The following NETO1 variants were observed in gnomAD, a reference collection of about 807,000 sequenced individuals.
The protein encoded by NETO1 is neuropilin and tolloid-like protein 1.
Under a neutral mutation model 61.3 loss-of-function variants are expected in NETO1, and 26 were observed. The observed-to-expected ratio is 0.42, with a 90% CI of 0.31 to 0.59. NETO1 has a LOEUF of 0.59. NETO1 is among the 20% of genes least tolerant of loss of function. NETO1 has a pLI of 0.12. For missense variants in NETO1, 531 were observed against 662.8 expected, an observed-to-expected ratio of 0.80 and a Z score of 2.18; for synonymous variants, 225 against 225.8, an observed-to-expected ratio of 1.00 and a Z score of 0.03.
At chr18:72,748,341 G>A (rs1599074508) in intron 10 of NETO1, 177 bp from the exon 11 acceptor site, 2 of 972,998 alleles carry the variant, frequency 2.1e-6, no homozygotes, top group East Asian at 2.3e-4. Context: ...AGACAAATTA[G>A]GCTAATATAG....
intron 4 of NETO1, among the ~76,000 whole-genome samples, chr18:72,856,467 T>C (rs1159130245): frequency 6.6e-6 from 1 of 152,166 alleles, no homozygotes; most frequent in African/African-American, 2.4e-5. Context: ...ATAAAACTAA[T>C]AAAAACAACA....
intron 6 of NETO1, among the ~76,000 whole-genome samples, chr18:72,785,645 C>T (rs1390312583): frequency 6.6e-6 from 1 of 152,130 alleles, no homozygotes. Flanking sequence ...CCCATTAACT[C>T]GTCATTTAAC....
At chr18:72,836,526 T>C (rs1165684121) in intron 4 of NETO1, among the ~76,000 whole-genome samples, 1 of 152,168 alleles carries the variant, frequency 6.6e-6, no homozygotes, top group Non-Finnish European at 1.5e-5. Context: ...AGTAGAAGCT[T>C]ACATAGAACA....
At chr18:72,749,965 G>A in intron 9 of NETO1, 97 bp downstream of exon 9, 1 of 967,432 alleles carries the variant, frequency 1.0e-6, no homozygotes, top group Non-Finnish European at 1.5e-6. Flanking sequence ...ATTAATTAAA[G>A]GGAAACTGAA....
At chr18:72,835,828 T>G (rs2073727750) in intron 4 of NETO1, among the ~76,000 whole-genome samples, 1 of 152,192 alleles carries the variant, frequency 6.6e-6, no homozygotes, top group Non-Finnish European at 1.5e-5. Context: ...ATAACTAATG[T>G]TTGGAAAACA....
At chr18:72,852,942 C>G (rs1376862680) in intron 4 of NETO1, among the ~76,000 whole-genome samples, 1 of 149,998 alleles carries the variant, frequency 6.7e-6, no homozygotes, top group Non-Finnish European at 1.5e-5. Flanking sequence ...AAGCAATTCT[C>G]TCGCCTCAGT....
chr18:72,791,139 C>T (rs1179492544), intron 6 of NETO1, among the ~76,000 whole-genome samples: 1 of 152,144 alleles, frequency 6.6e-6, no homozygotes, highest in Non-Finnish European at 1.5e-5. Context: ...CTAGATTAAT[C>T]ACATTCTAAT....
rs112340469 is a variant in NETO1, at chr18:72,755,137, C to T, written c.982+897G>A. On this transcript the variant is annotated intron_variant, in intron 8 of 10. Coordinates refer to ENST00000327305, the MANE Select transcript of NETO1 (RefSeq NM_138966.5). ...GGGACCACGTTTATATAGGGCAAAA[C>T]AAAGCCAGTGGTGACCACGAATTAT... Among the ~76,000 whole-genome samples, 1,387 of 152,260 alleles carry T rather than the reference C, an allele frequency of 9.1e-3. 16 individuals are homozygous for T. The highest frequency in any genetic ancestry group is 0.031 in the African/African-American group (1,304 of 41,564).
At chr18:72,765,156 C>T (rs2071110724) in intron 7 of NETO1, among the ~76,000 whole-genome samples, 1 of 152,158 alleles carries the variant, frequency 6.6e-6, no homozygotes, top group Non-Finnish European at 1.5e-5. Flanking sequence ...ATTCTCACAG[C>T]CTCTGCTCAC....
intron 4 of NETO1, among the ~76,000 whole-genome samples, chr18:72,852,904 C>A (rs2074296833): frequency 6.8e-6 from 1 of 148,008 alleles, no homozygotes; most frequent in Non-Finnish European, 1.5e-5. Context: ...ATGATCTCAG[C>A]TCACTGCAAC....
At chr18:72,767,445 G>C (rs964545967) in intron 7 of NETO1, among the ~76,000 whole-genome samples, 1 of 152,080 alleles carries the variant, frequency 6.6e-6, no homozygotes, top group Non-Finnish European at 1.5e-5. Context: ...TAAATGGTTC[G>C]ATGGAAAGTT....
intron 4 of NETO1, among the ~76,000 whole-genome samples, chr18:72,816,653 C>A (rs1392832281): frequency 6.6e-6 from 1 of 152,190 alleles, no homozygotes; most frequent in South Asian, 2.1e-4. Flanking sequence ...GAAAAGGCAA[C>A]CGTGCCTGGA....
At chr18:72,778,271 G>A (rs1020884578) in intron 7 of NETO1, among the ~76,000 whole-genome samples, 1 of 152,144 alleles carries the variant, frequency 6.6e-6, no homozygotes, top group African/African-American at 2.4e-5. Flanking sequence ...GATTTCCACC[G>A]AGTTGGCCAA....
chr18:72,750,362 A>G lies in NETO1; in HGVS notation c.1241T>C (p.Phe414Ser). The change falls in exon 9 of 11, where the codon TTT becomes TCT. Residue 414 changes from phenylalanine to serine, a missense_variant. Phe to Ser is a radical substitution (Grantham distance 155). Coordinates refer to ENST00000327305, the MANE Select transcript of NETO1 (RefSeq NM_138966.5). ...CCTCCGCAGTTTATGGTAATTTTCA[A>G]AGTCATCTGCCACATCTGCAAAGTC... ...TADFADVADDFENYHKLRRSS... is the reference protein window; with the variant it reads ...TADFADVADDSENYHKLRRSS... 2 of 1,614,060 alleles carry G rather than the reference A, an allele frequency of 1.2e-6. No individual in the cohort carries two copies. The highest frequency in any genetic ancestry group is 1.7e-6 in the Non-Finnish European group (2 of 1,180,006).
chr18:72,818,666 T>C (rs553553706), intron 4 of NETO1, among the ~76,000 whole-genome samples: 3 of 152,328 alleles, frequency 2.0e-5, no homozygotes, highest in Admixed American at 2.0e-4. Context: ...ATCCACTGCT[T>C]ATTGAGATGT....
chr18:72,865,713 A>G (rs1212559605), intron 1 of NETO1: 2 of 1,528,812 alleles, frequency 1.3e-6, no homozygotes, highest in African/African-American at 2.8e-5. Flanking sequence ...TTAGAAAATA[A>G]ATACTTAGAC....
At chr18:72,796,136 C>T (rs1399236392) in intron 4 of NETO1, among the ~76,000 whole-genome samples, 1 of 152,212 alleles carries the variant, frequency 6.6e-6, no homozygotes, top group African/African-American at 2.4e-5. Context: ...AGCATTCTTT[C>T]TGGAAGAGAT....
At chr18:72,858,240 C>T in intron 4 of NETO1, among the ~76,000 whole-genome samples, 1 of 152,106 alleles carries the variant, frequency 6.6e-6, no homozygotes, top group East Asian at 1.9e-4. Flanking sequence ...AAAATTGATA[C>T]AGATTGCATA....
At chr18:72,772,086 C>T (rs1342308546) in intron 7 of NETO1, among the ~76,000 whole-genome samples, 1 of 152,134 alleles carries the variant, frequency 6.6e-6, no homozygotes, top group East Asian at 1.9e-4. Context: ...GAGGTCCCCA[C>T]TTTCATGCTG....
Sources: gnomAD v4.1 joint callset for allele counts (sites outside exome capture counted in the v4.1 genomes callset) on GRCh38, gnomAD v4.1.1 for gene constraint, MANE v1.5 for transcripts, NCBI Gene and HGNC (gene_info 2026-07-23, HGNC 2026-07-21) for gene names.